KSR2: variants seen among roughly 807,000 people sequenced by gnomAD.
KSR2 encodes kinase suppressor of ras 2.
Under a neutral mutation model 107.8 loss-of-function variants are expected in KSR2, and 25 were observed. The ratio of observed to expected loss-of-function variants is 0.23; its 90% CI spans 0.17 to 0.32. KSR2 has a LOEUF of 0.32. Ranked by LOEUF, KSR2 falls within the 10% of genes least tolerant of loss-of-function variation. The pLI is 1.00. For synonymous variants in KSR2, 480 were observed against 507.0 expected, an observed-to-expected ratio of 0.95 and a Z score of 0.71; for missense variants, 887 against 1,268.9, an observed-to-expected ratio of 0.70 and a Z score of 4.57.
At position 117,460,109 on chromosome 12, in the gene KSR2, T is replaced by C. The variant is rs1413524449; in HGVS notation, c.*7090A>G. ...GCTTGTCCCAGGACCCTTTCAATAA[T>C]GCAAATCCGGCGAGTTTTCCATGGA... On this transcript the variant is annotated 3_prime_UTR_variant, in exon 20 of 20. Coordinates refer to ENST00000339824, the MANE Select transcript of KSR2 (RefSeq NM_173598.6). 2 of 152,192 alleles carry C rather than the reference T, an allele frequency of 1.3e-5. No homozygotes were observed. The highest frequency in any genetic ancestry group is 2.9e-5 in the Non-Finnish European group (2 of 68,026). 9.4% of individuals were successfully genotyped at this position (152,192 alleles called of 1,614,324 possible).
At chr12:117,472,290 G>C (rs557330241) in intron 17 of KSR2, among the ~76,000 whole-genome samples, 14 of 152,164 alleles carry the variant, frequency 9.2e-5, no homozygotes, top group Non-Finnish European at 2.1e-4. Context: ...GTAATTAATG[G>C]AGAGAGGATT....
chr12:117,669,107 A>G (rs1177420737), intron 4 of KSR2, among the ~76,000 whole-genome samples: 2 of 152,212 alleles, frequency 1.3e-5, no homozygotes, highest in Non-Finnish European at 2.9e-5. Flanking sequence ...GTGGGTGAGC[A>G]TCTGCCTTCT....
rs576694584 is a variant in KSR2 at position 117,928,149 on chromosome 12, T to C, written c.180+39927A>G. ...ATGTTTTCAAGGTTTATCCATGTTG[T>C]GTAGCATGTGTCAGCACTTCATTCC... On this transcript the variant is annotated intron_variant, in intron 1 of 19. Coordinates refer to ENST00000339824, the MANE Select transcript of KSR2 (RefSeq NM_173598.6). Among the ~76,000 whole-genome samples, 4 of 151,878 alleles carry C rather than the reference T, an allele frequency of 2.6e-5. 1 individual carries two copies. In the South Asian group the frequency reaches 6.2e-4, roughly 24 times the overall value.
At chr12:117,574,618 G>T (rs778844597) in intron 7 of KSR2, among the ~76,000 whole-genome samples, 20 of 152,104 alleles carry the variant, frequency 1.3e-4, no homozygotes, top group Non-Finnish European at 2.4e-4. Flanking sequence ...ATTATCTCCT[G>T]CCGGGTCCCT....
chr12:117,549,456 G>A (rs1877127146), intron 9 of KSR2, among the ~76,000 whole-genome samples: 1 of 152,010 alleles, frequency 6.6e-6, no homozygotes, highest in Non-Finnish European at 1.5e-5. Context: ...AACCATATAG[G>A]CTTGTGCTTC....
intron 5 of KSR2, among the ~76,000 whole-genome samples, chr12:117,604,752 T>C (rs1881138214): frequency 1.3e-5 from 2 of 152,186 alleles, no homozygotes; most frequent in Admixed American, 1.3e-4. Flanking sequence ...CATGCTAGGT[T>C]GGTATGTGGC....
rs138616331 is a variant in KSR2 at position 117,653,818 on chromosome 12, A to G, written c.1171+13656T>C. Among the ~76,000 whole-genome samples, 286 of 152,316 alleles carry G rather than the reference A, an allele frequency of 1.9e-3. 5 individuals carry two copies. The highest frequency in any genetic ancestry group is 0.014 in the Admixed American group (214 of 15,308). Reference sequence around the variant, plus strand: ...GTTACTCCAGTGCATTTATCAAGTGACCCGAAAGGCTGCCAGTTTTGAGTG... The same window carrying G: ...GTTACTCCAGTGCATTTATCAAGTGGCCCGAAAGGCTGCCAGTTTTGAGTG... On this transcript the variant is annotated intron_variant, in intron 5 of 19. Coordinates refer to ENST00000339824, the MANE Select transcript of KSR2 (RefSeq NM_173598.6).
chr12:117,655,138 C>G (rs979514662), intron 5 of KSR2, among the ~76,000 whole-genome samples: 1 of 152,200 alleles, frequency 6.6e-6, no homozygotes, highest in African/African-American at 2.4e-5. Flanking sequence ...TTTGTCCTCA[C>G]TGGAATAGAC....
intron 4 of KSR2, among the ~76,000 whole-genome samples, chr12:117,732,039 A>AT (rs1212966610): frequency 2.7e-5 from 3 of 113,204 alleles, no homozygotes; most frequent in Non-Finnish European, 3.9e-5. Flanking sequence ...AACAAATACT[A>AT]TTAAAAAAAA....
At chr12:117,665,598 C>T (rs1273286028) in intron 5 of KSR2, among the ~76,000 whole-genome samples, 1 of 152,106 alleles carries the variant, frequency 6.6e-6, no homozygotes, top group Non-Finnish European at 1.5e-5. Context: ...CCACAGAAGC[C>T]CCAAATTAAC....
intron 1 of KSR2, among the ~76,000 whole-genome samples, chr12:117,936,245 C>A (rs1895831942): frequency 6.6e-6 from 1 of 152,078 alleles, no homozygotes; most frequent in South Asian, 2.1e-4. Flanking sequence ...CCAGGCTAAT[C>A]TTGAACTCCT....
rs373172436 is a variant in KSR2 at position 117,851,950 on chromosome 12, G to A, written c.472+3478C>T. 1.6e-3 allele frequency among the ~76,000 whole-genome samples: 240 copies of A among 152,068 alleles called. 2 individuals carry two copies. The highest frequency in any genetic ancestry group is 9.1e-3 in the South Asian group (44 of 4,816). On this transcript the variant is annotated intron_variant, in intron 3 of 19. Coordinates refer to ENST00000339824, the MANE Select transcript of KSR2 (RefSeq NM_173598.6). ...TACTAAATGATATAGAATAGAACAGGAATGAATTTACAACATCTTCATCAT... is the reference window on the plus strand; with the variant it reads ...TACTAAATGATATAGAATAGAACAGAAATGAATTTACAACATCTTCATCAT...
At chr12:117,557,617 A>G (rs1049761066) in intron 8 of KSR2, among the ~76,000 whole-genome samples, 2 of 152,234 alleles carry the variant, frequency 1.3e-5, no homozygotes, top group African/African-American at 2.4e-5. Context: ...AGTCAAAAAA[A>G]TGTTCTATAT....
At chr12:117,688,048 C>T (rs983971172) in intron 4 of KSR2, among the ~76,000 whole-genome samples, 6 of 151,488 alleles carry the variant, frequency 4.0e-5, no homozygotes, top group South Asian at 2.1e-4. Context: ...TCGTCTCTAA[C>T]GTATTCTGAA....
At chr12:117,663,581 T>A (rs1443588581) in intron 5 of KSR2, among the ~76,000 whole-genome samples, 1 of 152,318 alleles carries the variant, frequency 6.6e-6, no homozygotes, top group African/African-American at 2.4e-5. Context: ...GCTAGGGAAT[T>A]TACATGCATT....
At chr12:117,594,767 A>AT (rs1880535261) in intron 5 of KSR2, among the ~76,000 whole-genome samples, 1 of 152,200 alleles carries the variant, frequency 6.6e-6, no homozygotes, top group Admixed American at 6.5e-5. Flanking sequence ...ACCTAGAGCA[A>AT]CAGTTCTCAA....
At chr12:117,567,001 A>G (rs1409006120) in intron 7 of KSR2, among the ~76,000 whole-genome samples, 1 of 151,944 alleles carries the variant, frequency 6.6e-6, no homozygotes, top group Non-Finnish European at 1.5e-5. Context: ...AGCAACAAGT[A>G]TTTACTGAGC....
intron 3 of KSR2, among the ~76,000 whole-genome samples, chr12:117,783,427 C>T (rs1889953361): frequency 6.6e-6 from 1 of 152,196 alleles, no homozygotes. Flanking sequence ...GTTTCCTCAT[C>T]TGTAAAATGG....
In KSR2 at chr12:117,855,532, G is replaced by A. The variant is rs745877430; in HGVS notation, c.368C>T (p.Thr123Met). Reference protein sequence around the residue: ...QLSLEDLLEMTDEQVCETVEK... With the variant: ...QLSLEDLLEMMDEQVCETVEK... ...CACAGTCTCGCACACCTGTTCATCC[G>A]TCATCTCCAAGAGGTCCTCCAGGCT... Residue 123 changes from threonine to methionine, a missense_variant, in exon 3 of 20, where the codon ACG becomes ATG. Transcript: ENST00000339824. The A allele has an allele frequency of 6.2e-7, 1 of 1,613,982 alleles. No homozygotes were observed. The highest frequency in any genetic ancestry group is 8.5e-7 in the Non-Finnish European group (1 of 1,179,888).
Sources: allele counts gnomAD v4.1 joint callset (sites outside exome capture counted in the v4.1 genomes callset), GRCh38; gene constraint gnomAD v4.1.1; transcripts MANE v1.5; gene names NCBI Gene and HGNC (gene_info 2026-07-23, HGNC 2026-07-21).